CCSER1: variants seen among roughly 807,000 people sequenced by gnomAD.
CCSER1 encodes the protein coiled-coil serine rich protein 1, also known as serine-rich coiled-coil domain-containing protein 1.
A neutral mutation model predicts 82.0 loss-of-function variants in CCSER1; 41 were observed. That is an observed-to-expected ratio of 0.50 (90% confidence interval 0.39 to 0.65). The LOEUF (loss-of-function observed/expected upper bound fraction) is 0.65. CCSER1 is among the 30% of genes least tolerant of loss of function. The pLI, the probability that CCSER1 is intolerant of heterozygous loss-of-function variation, is 0.00. For missense variants in CCSER1, 1,119 were observed against 1,064.2 expected, an observed-to-expected ratio of 1.05 and a Z score of -0.72; for synonymous variants, 414 against 383.9, an observed-to-expected ratio of 1.08 and a Z score of -0.92.
intron 5 of CCSER1, among the ~76,000 whole-genome samples, chr4:90,532,690 A>T (rs1348908686): frequency 6.6e-6 from 1 of 152,204 alleles, no homozygotes; most frequent in Non-Finnish European, 1.5e-5. Context: ...TTATATCAAA[A>T]TAATTTTGTA....
At chr4:91,065,521 C>T (rs1720714773) in intron 9 of CCSER1, among the ~76,000 whole-genome samples, 1 of 151,948 alleles carries the variant, frequency 6.6e-6, no homozygotes, top group African/African-American at 2.4e-5. Context: ...AAAAAAATCC[C>T]ATTGGATATT....
intron 4 of CCSER1, among the ~76,000 whole-genome samples, chr4:90,457,878 C>T (rs1762389327): frequency 6.6e-6 from 1 of 152,158 alleles, no homozygotes; most frequent in African/African-American, 2.4e-5. Flanking sequence ...AACCTGCCAT[C>T]CACAGCCTGC....
chr4:90,879,413 A>C (rs1720856197), intron 8 of CCSER1, among the ~76,000 whole-genome samples: 1 of 151,804 alleles, frequency 6.6e-6, no homozygotes, highest in Non-Finnish European at 1.5e-5. Flanking sequence ...TATTCCTGTC[A>C]TTGCAGCCAG....
At chr4:90,790,792 A>C (rs1259822657) in intron 7 of CCSER1, among the ~76,000 whole-genome samples, 1 of 152,102 alleles carries the variant, frequency 6.6e-6, no homozygotes, top group East Asian at 1.9e-4. Context: ...GAGCCCTCCA[A>C]GTCTCTAGGA....
At chr4:90,393,479 A>G (rs1751496644) in intron 3 of CCSER1, among the ~76,000 whole-genome samples, 1 of 152,168 alleles carries the variant, frequency 6.6e-6, no homozygotes, top group South Asian at 2.1e-4. Context: ...ATTAATTTAA[A>G]TAATCCTCTC....
chr4:90,302,512 C>T (rs1733349403), intron 1 of CCSER1, among the ~76,000 whole-genome samples: 2 of 152,154 alleles, frequency 1.3e-5, no homozygotes, highest in African/African-American at 4.8e-5. Context: ...TAGAATATGG[C>T]AGTCATGACC....
At chr4:91,286,053 T>A (rs558522994) in intron 10 of CCSER1, among the ~76,000 whole-genome samples, 7 of 151,842 alleles carry the variant, frequency 4.6e-5, no homozygotes, top group South Asian at 2.1e-4. Context: ...GTTTTTTTTT[T>A]AATTCAGTTT....
chr4:90,551,609 C>G (rs1401829985), intron 5 of CCSER1, among the ~76,000 whole-genome samples: 2 of 149,818 alleles, frequency 1.3e-5, no homozygotes, highest in African/African-American at 4.9e-5. Flanking sequence ...AACTCTATAT[C>G]CAAAGAATTT....
chr4:90,880,624 C>T (rs539372979), intron 8 of CCSER1, among the ~76,000 whole-genome samples: 1 of 152,198 alleles, frequency 6.6e-6, no homozygotes, highest in Non-Finnish European at 1.5e-5. Flanking sequence ...TGCCAAGTTT[C>T]TACTCACTCA....
At position 91,083,596 on chromosome 4, in the gene CCSER1, A is replaced by G. The variant is rs549830126; in HGVS notation, c.2173-2354A>G. On this transcript the variant is annotated intron_variant, in intron 9 of 10. Coordinates refer to ENST00000509176, the MANE Select transcript of CCSER1 (RefSeq NM_001145065.2). Reference sequence around the variant, plus strand: ...ATAAAATAAAAACAAAAAAACTATTACAAATAAAAATGTCAAGGATTTAAT... The same window carrying G: ...ATAAAATAAAAACAAAAAAACTATTGCAAATAAAAATGTCAAGGATTTAAT... Among the ~76,000 whole-genome samples, 82 of 152,282 alleles carry G rather than the reference A, an allele frequency of 5.4e-4. No individual in the cohort carries two copies. In the South Asian group the frequency reaches 0.017, roughly 32 times the overall value.
At chr4:90,255,512 AT>A (rs1723125660) in intron 1 of CCSER1, among the ~76,000 whole-genome samples, 1 of 152,192 alleles carries the variant, frequency 6.6e-6, no homozygotes, top group African/African-American at 2.4e-5. Flanking sequence ...AAGGATAGTA[AT>A]TCTCAAAGCT....
At chr4:90,989,908 G>A (rs562144546) in intron 9 of CCSER1, among the ~76,000 whole-genome samples, 2 of 151,818 alleles carry the variant, frequency 1.3e-5, no homozygotes, top group Admixed American at 1.3e-4. Context: ...GAAATATATA[G>A]AGCATTAATA....
intron 10 of CCSER1, among the ~76,000 whole-genome samples, chr4:91,421,783 T>G (rs1299726919): frequency 6.6e-6 from 1 of 151,576 alleles, no homozygotes; most frequent in Non-Finnish European, 1.5e-5. Context: ...AATTAAATAT[T>G]TTAAAATTAA....
chr4:90,140,085 G>A (rs1287659191), intron 1 of CCSER1, among the ~76,000 whole-genome samples: 1 of 152,106 alleles, frequency 6.6e-6, no homozygotes, highest in East Asian at 1.9e-4. Context: ...TTACAATTAT[G>A]TCAAATAATA....
At chr4:90,910,738 T>A (rs1386301393) in intron 8 of CCSER1, among the ~76,000 whole-genome samples, 2 of 152,220 alleles carry the variant, frequency 1.3e-5, no homozygotes, top group African/African-American at 4.8e-5. Context: ...GTTTAGAGTC[T>A]TGACCCATTT....
Position 91,460,813 on chromosome 4 carries a change from A to G in CCSER1, c.2218-137759A>G, listed in dbSNP as rs1383942698. ...AAGAAAATACATTATATCTACTTGT[A>G]TGCTACAGAGAAGGATGGTTGCTTT... On this transcript the variant is annotated intron_variant, in intron 10 of 10. Coordinates refer to ENST00000509176, the MANE Select transcript of CCSER1 (RefSeq NM_001145065.2). Among the ~76,000 whole-genome samples the G allele has an allele frequency of 2.6e-5, 4 of 152,306 alleles. No individual in the cohort carries two copies. In the East Asian group the frequency reaches 5.8e-4, roughly 22 times the overall value.
At chr4:91,013,533 CAT>C (rs768761300) in intron 9 of CCSER1, among the ~76,000 whole-genome samples, 3 of 125,626 alleles carry the variant, frequency 2.4e-5, no homozygotes, top group East Asian at 2.6e-4. Flanking sequence ...TTTCTCAAGA[CAT>C]ATATATATAT....
intron 9 of CCSER1, among the ~76,000 whole-genome samples, chr4:90,972,823 G>A (rs1005898452): frequency 2.0e-5 from 3 of 151,750 alleles, no homozygotes; most frequent in Non-Finnish European, 2.9e-5. Context: ...GTAAAAGAAT[G>A]TAACAGAATA....
At chr4:91,120,075 G>C (rs868377008) in intron 10 of CCSER1, among the ~76,000 whole-genome samples, 21 of 152,016 alleles carry the variant, frequency 1.4e-4, no homozygotes, top group Non-Finnish European at 3.1e-4. Flanking sequence ...TTAAGCCATA[G>C]AGAGTGGGGT....
Sources: gnomAD v4.1 joint callset for allele counts (sites outside exome capture counted in the v4.1 genomes callset) on GRCh38, gnomAD v4.1.1 for gene constraint, MANE v1.5 for transcripts, NCBI Gene and HGNC (gene_info 2026-07-23, HGNC 2026-07-21) for gene names.